GMCL1: variants seen among roughly 807,000 people sequenced by gnomAD.
GMCL1 encodes germ cell-less 1, spermatogenesis associated.
GMCL1 carries 54 observed loss-of-function variants against 75.5 expected under a neutral mutation model. The observed-to-expected ratio is 0.71, with a 90% confidence interval of 0.57 to 0.90. The LOEUF is 0.90. GMCL1 is among the 40% of genes least tolerant of loss of function. GMCL1 has a pLI of 0.00. For synonymous variants in GMCL1, 210 were observed against 209.6 expected (o/e 1.00, Z -0.02); for missense variants, 537 against 622.7 (o/e 0.86, Z 1.47).
intron 8 of GMCL1, among the ~76,000 whole-genome samples, chr2:69,851,578 C>G (rs1003434074): frequency 6.6e-6 from 1 of 151,558 alleles, no homozygotes; most frequent in Non-Finnish European, 1.5e-5. Context: ...CCATTGCACT[C>G]CAGCCTGGGC....
intron 10 of GMCL1, among the ~76,000 whole-genome samples, chr2:69,864,542 T>C (rs551853672): frequency 1.3e-5 from 2 of 151,302 alleles, no homozygotes; most frequent in East Asian, 3.9e-4. Flanking sequence ...ACATCTTATT[T>C]ACAGAAATAA....
intron 6 of GMCL1, chr2:69,844,434 T>C (rs998881204): frequency 3.6e-6 from 1 of 279,016 alleles, no homozygotes; most frequent in Non-Finnish European, 6.7e-6. Context: ...ATTACTGTTA[T>C]AAGACTATAG....
Position 69,854,854 on chromosome 2 carries a change from A to C in GMCL1, c.966A>C (p.Glu322Asp). 6.2e-7 allele frequency: 1 copy of C among 1,610,954 alleles called. No homozygotes were observed. The highest frequency in any genetic ancestry group is 1.1e-5 in the South Asian group (1 of 90,630). Residue 322 changes from glutamate (E) to aspartate (D), a missense_variant, in exon 9 of 14, where the codon GAA becomes GAC. Around this residue, in one of 3 missense-constraint regions of GMCL1, gnomAD observed 345 missense variants for 410.5 expected, o/e 0.84. Transcript: ENST00000282570. ...AAGGTATGGCCTTTCTTGAAACTGAACAAGGAAAACCATTTGTGTCAGTAT... is the reference window on the plus strand; with the variant it reads ...AAGGTATGGCCTTTCTTGAAACTGACCAAGGAAAACCATTTGTGTCAGTAT... The part of the protein sequence containing the change: ...DFEGMAFLET[E>D]QGKPFVSVFR...
In GMCL1 at chr2:69,871,819, T is replaced by G; in HGVS notation, c.1439T>G (p.Leu480Arg). Residue 480 changes from leucine (L) to arginine (R), a missense_variant, in exon 13 of 14, where the codon CTT becomes CGT. Transcript: ENST00000282570. Reference protein sequence around the residue: ...SRTTGYQILTLEKDQEQVVMN... With the variant: ...SRTTGYQILTREKDQEQVVMN... ...ACAACTGGCTATCAAATACTTACAC[T>G]TGAAAAGGATCAGGTATGTTCGATT... is the stretch of plus-strand genomic sequence containing the variant. The G allele has an allele frequency of 6.3e-7, 1 of 1,577,970 alleles. No homozygotes were observed.
chr2:69,867,291 T>G (rs1172799896), intron 11 of GMCL1, among the ~76,000 whole-genome samples: 2 of 152,118 alleles, frequency 1.3e-5, no homozygotes, highest in Non-Finnish European at 2.9e-5. Flanking sequence ...GTCGTGTTGA[T>G]TTCAATATCT....
intron 6 of GMCL1, among the ~76,000 whole-genome samples, chr2:69,846,501 GA>G (rs1377039289): frequency 9.2e-5 from 14 of 152,152 alleles, no homozygotes; most frequent in African/African-American, 3.4e-4. Context: ...GAGCATAGAG[GA>G]TTTTGGTATT....
At chr2:69,839,588 C>A in intron 3 of GMCL1, 35 bp downstream of exon 3, 2 of 1,216,854 alleles carry the variant, frequency 1.6e-6, no homozygotes, top group South Asian at 2.5e-5. Flanking sequence ...ATGCAACAAT[C>A]GTAAAAACAT....
chr2:69,874,548 C>T (rs561580543), intron 13 of GMCL1, among the ~76,000 whole-genome samples: 13 of 151,636 alleles, frequency 8.6e-5, no homozygotes, highest in African/African-American at 3.1e-4. Flanking sequence ...CGCGCCTGGC[C>T]CTTAATTTTC....
At chr2:69,867,207 A>G (rs1437032566) in intron 11 of GMCL1, among the ~76,000 whole-genome samples, 1 of 151,868 alleles carries the variant, frequency 6.6e-6, no homozygotes, top group East Asian at 1.9e-4. Context: ...TGGCCTCCCA[A>G]ATTGTTGAGA....
At chr2:69,850,750 G>T (rs1675294675) in intron 8 of GMCL1, among the ~76,000 whole-genome samples, 1 of 152,058 alleles carries the variant, frequency 6.6e-6, no homozygotes, top group Non-Finnish European at 1.5e-5. Flanking sequence ...TAATTCCCAT[G>T]GTACAAATTT....
intron 8 of GMCL1, among the ~76,000 whole-genome samples, chr2:69,854,030 C>T (rs1675395078): frequency 6.6e-6 from 1 of 152,054 alleles, no homozygotes. Flanking sequence ...ATCTTGAACT[C>T]CTGACCTCGT....
intron 6 of GMCL1, among the ~76,000 whole-genome samples, chr2:69,847,037 C>CATGGTG (rs1239123904): frequency 2.7e-5 from 4 of 150,626 alleles, no homozygotes; most frequent in African/African-American, 9.8e-5. Context: ...GAGGTCTCAC[C>CATGGTG]ATGTTGTCCA....
intron 8 of GMCL1, among the ~76,000 whole-genome samples, chr2:69,851,216 C>G (rs1185178013): frequency 6.6e-6 from 1 of 152,136 alleles, no homozygotes; most frequent in African/African-American, 2.4e-5. Context: ...GCAGGAGGCT[C>G]ACTTGAGACC....
chr2:69,850,133 G>A (rs894110528), intron 8 of GMCL1, among the ~76,000 whole-genome samples: 1 of 152,110 alleles, frequency 6.6e-6, no homozygotes. Context: ...TAACATAGGG[G>A]CCATAGATAG....
chr2:69,853,082 G>A (rs144859220), intron 8 of GMCL1, among the ~76,000 whole-genome samples: 40 of 152,240 alleles, frequency 2.6e-4, no homozygotes, highest in South Asian at 4.1e-4. Context: ...TTCTACAGCC[G>A]TGACGAAAAG....
intron 10 of GMCL1, among the ~76,000 whole-genome samples, chr2:69,864,093 T>C (rs187861148): frequency 7.7e-4 from 117 of 152,232 alleles, no homozygotes; most frequent in Non-Finnish European, 1.3e-3. Context: ...ATTATTATAA[T>C]TAACTGTAGT....
At chr2:69,878,508 TA>T (rs1676188316) in intron 13 of GMCL1, among the ~76,000 whole-genome samples, 1 of 152,200 alleles carries the variant, frequency 6.6e-6, no homozygotes, top group African/African-American at 2.4e-5. Context: ...ATTAATTTTG[TA>T]AAAGGAAATA....
At chr2:69,869,249 CAA>C (rs35609593) in intron 11 of GMCL1, among the ~76,000 whole-genome samples, 35 of 79,288 alleles carry the variant, frequency 4.4e-4, no homozygotes, top group African/African-American at 1.1e-3. Flanking sequence ...ACCTCTGTCT[CAA>C]AAAAAAAAAA....
At chr2:69,830,193 C>T (rs1352286674) in intron 1 of GMCL1, 41 bp downstream of exon 1, 3 of 1,535,618 alleles carry the variant, frequency 2.0e-6, no homozygotes, top group Admixed American at 2.0e-5. Flanking sequence ...GGACCCGCAC[C>T]TGTTGGGCCT....
Sources: gnomAD v4.1 joint callset for allele counts (sites outside exome capture counted in the v4.1 genomes callset) on GRCh38, gnomAD v4.1.1 for gene constraint, gnomAD v4.1.1 regional missense constraint, MANE v1.5 for transcripts, NCBI Gene and HGNC (gene_info 2026-07-23, HGNC 2026-07-21) for gene names.